The following TRAK1 variants were observed in gnomAD, a reference collection of about 807,000 sequenced individuals.
The protein encoded by TRAK1 is trafficking kinesin-binding protein 1.
A neutral mutation model predicts 92.1 loss-of-function variants in TRAK1; 33 were observed. The observed-to-expected ratio is 0.36, with a 90% CI of 0.27 to 0.48. TRAK1 has a LOEUF of 0.48. TRAK1 is among the 20% of genes least tolerant of loss of function. The pLI, the probability that TRAK1 is intolerant of heterozygous loss-of-function variation, is 0.99. For synonymous variants in TRAK1, 521 were observed against 517.3 expected (o/e 1.01, Z -0.10); for missense variants, 1,123 against 1,257.9 (o/e 0.89, Z 1.62).
chr3:42,219,007 G>A, intron 14 of TRAK1: 1 of 985,418 alleles, frequency 1.0e-6, no homozygotes, highest in Non-Finnish European at 1.2e-6. Context: ...TAAGCAGAAA[G>A]GGAGCTGTGA....
rs540141771 is a variant in TRAK1 at position 42,115,159 on chromosome 3, T to C, written c.92-10261T>C. 1.4e-3 allele frequency among the ~76,000 whole-genome samples: 206 copies of C among 152,366 alleles called. 1 individual carries two copies. Among genetic ancestry groups the C allele is most frequent in the Non-Finnish European group, 4.6e-4 (31 of 68,028 alleles). ...GAGATTTAACTCTGGGCTGAACTTATACACGTTAACTTTCACGTTTAAAAT... is the reference window on the plus strand; with the variant it reads ...GAGATTTAACTCTGGGCTGAACTTACACACGTTAACTTTCACGTTTAAAAT... On this transcript the variant is annotated intron_variant, in intron 1 of 15. Transcript: ENST00000327628.
chr3:42,046,054 G>A (rs193123593), intron 1 of TRAK1, among the ~76,000 whole-genome samples: 175 of 152,114 alleles, frequency 1.2e-3, no homozygotes, highest in African/African-American at 3.9e-3. Flanking sequence ...ATTACATAGC[G>A]GGAGTCCTTG....
At chr3:42,210,376 CT>C (rs3836496) in intron 14 of TRAK1, 490,461 of 1,266,158 alleles carry the variant, frequency 0.39, 93,490 homozygotes, top group Admixed American at 0.55. Context: ...CATCAGGGAT[CT>C]TTAAAGTGGG....
intron 2 of TRAK1, among the ~76,000 whole-genome samples, chr3:42,144,497 A>G (rs1053031551): frequency 6.6e-6 from 1 of 152,148 alleles, no homozygotes; most frequent in African/African-American, 2.4e-5. Flanking sequence ...ACCTCAGACC[A>G]TCTGACTCCA....
At chr3:42,157,890 C>T (rs1342262905) in intron 2 of TRAK1, among the ~76,000 whole-genome samples, 1 of 152,086 alleles carries the variant, frequency 6.6e-6, no homozygotes, top group African/African-American at 2.4e-5. Context: ...TAAATGTTAC[C>T]ATTTGGGGAA....
intron 2 of TRAK1, among the ~76,000 whole-genome samples, chr3:42,168,006 C>T (rs545405299): frequency 2.0e-5 from 3 of 152,242 alleles, no homozygotes; most frequent in Admixed American, 6.5e-5. Flanking sequence ...AGAGACTTGG[C>T]GAAGCCTTCA....
chr3:42,075,163 TA>T (rs954001940), intron 1 of TRAK1, among the ~76,000 whole-genome samples: 3 of 151,750 alleles, frequency 2.0e-5, no homozygotes, highest in African/African-American at 7.3e-5. Flanking sequence ...TTTAAAAATT[TA>T]AAAAAAATTT....
At chr3:42,122,785 C>T (rs1017931571) in intron 1 of TRAK1, among the ~76,000 whole-genome samples, 4 of 152,118 alleles carry the variant, frequency 2.6e-5, no homozygotes, top group African/African-American at 9.7e-5. Context: ...TATTGCTCTG[C>T]CTGGGGGAGG....
chr3:42,141,838 T>C (rs76620022), intron 2 of TRAK1, among the ~76,000 whole-genome samples: 6,647 of 152,208 alleles, frequency 0.044, 492 homozygotes, highest in African/African-American at 0.15. Context: ...GACTTTTAAC[T>C]GAATTACACC....
At chr3:42,085,108 T>C (rs950009954), upstream of TRAK1, among the ~76,000 whole-genome samples, 1 of 152,212 alleles carries the variant, frequency 6.6e-6, no homozygotes, top group Non-Finnish European at 1.5e-5. Context: ...TTTCAGATTT[T>C]TGGATTTTGG....
chr3:42,120,367 G>A (rs962128277), intron 1 of TRAK1, among the ~76,000 whole-genome samples: 1 of 152,096 alleles, frequency 6.6e-6, no homozygotes, highest in African/African-American at 2.4e-5. Context: ...AATGTGAATT[G>A]TAACTGTGGG....
At chr3:42,015,060 A>C (rs967477508) in intron 1 of TRAK1, among the ~76,000 whole-genome samples, 2 of 152,160 alleles carry the variant, frequency 1.3e-5, no homozygotes, top group South Asian at 4.1e-4. Flanking sequence ...GCCAGTCTGC[A>C]CTGGGGAGGG....
intron 15 of TRAK1, 50 bp from the exon 16 acceptor site, chr3:42,222,892 C>A (rs1480811295): frequency 6.4e-7 from 1 of 1,573,408 alleles, no homozygotes; most frequent in Non-Finnish European, 8.6e-7. Flanking sequence ...GACCCTTTCT[C>A]TGGAGCTCAT....
chr3:42,096,861 T>C (rs1256378130), intron 1 of TRAK1, among the ~76,000 whole-genome samples: 3 of 152,202 alleles, frequency 2.0e-5, no homozygotes, highest in African/African-American at 7.2e-5. Context: ...CCATTCCTAC[T>C]CACTCTTAGA....
At position 42,125,542 on chromosome 3, in the gene TRAK1, A is replaced by G. The variant is rs200094446; in HGVS notation, c.214A>G (p.Thr72Ala). 14 of 1,614,212 alleles carry G rather than the reference A, an allele frequency of 8.7e-6. No homozygotes were observed. In the East Asian group the frequency reaches 2.9e-4, roughly 33 times the overall value. ...TTATGACCACGACGACTGGCTCCAT[A>G]CACCTCTCATTTCTCCAGATGCCAA... ...YGYDHDDWLH[T>A]PLISPDANID... Residue 72 changes from threonine to alanine, a missense_variant, in exon 2 of 16, where the codon ACA becomes GCA. By Grantham distance (58) the Thr-to-Ala change is moderately conservative (BLOSUM62 0). Transcript: ENST00000327628.
chr3:42,055,893 T>G (rs1703187040), intron 1 of TRAK1, among the ~76,000 whole-genome samples: 1 of 151,328 alleles, frequency 6.6e-6, no homozygotes, highest in South Asian at 2.1e-4. Flanking sequence ...TGTATAGACT[T>G]TCCTCTTTTG....
At position 42,104,884 on chromosome 3, in the gene TRAK1, C is replaced by T. The variant is rs918352865; in HGVS notation, c.91+13324C>T. Among the ~76,000 whole-genome samples, 9 of 151,746 alleles carry T rather than the reference C, an allele frequency of 5.9e-5. 1 individual carries two copies. The highest frequency in any genetic ancestry group is 4.2e-4 in the South Asian group (2 of 4,816). ...TTGAGAGAAGAGGGCTTCAGACGATCGGTAATAACAAACTTCTCCAAGCTA... is the reference window on the plus strand; with the variant it reads ...TTGAGAGAAGAGGGCTTCAGACGATTGGTAATAACAAACTTCTCCAAGCTA... On this transcript the variant is annotated intron_variant, in intron 1 of 15. Coordinates refer to ENST00000327628, the MANE Select transcript of TRAK1 (RefSeq NM_001042646.3).
intron 1 of TRAK1, among the ~76,000 whole-genome samples, chr3:42,034,367 C>T (rs1482755424): frequency 6.6e-6 from 1 of 152,206 alleles, no homozygotes; most frequent in Non-Finnish European, 1.5e-5. Flanking sequence ...TCACGGCTCA[C>T]TGCAGCCTCG....
At chr3:42,060,558 G>A (rs555088299) in intron 1 of TRAK1, among the ~76,000 whole-genome samples, 3 of 152,018 alleles carry the variant, frequency 2.0e-5, no homozygotes, top group Non-Finnish European at 2.9e-5. Flanking sequence ...TCTGTCATTG[G>A]GAACAAGCCT....
Sources: gnomAD v4.1 joint callset for allele counts (sites outside exome capture counted in the v4.1 genomes callset) on GRCh38, gnomAD v4.1.1 for gene constraint, MANE v1.5 for transcripts, NCBI Gene and HGNC (gene_info 2026-07-23, HGNC 2026-07-21) for gene names.